Variants in EPHA6 observed in about 807,000 individuals in gnomAD.
EPHA6 encodes EPH receptor A6.
EPHA6 carries 50 observed loss-of-function variants against 112.0 expected under a neutral mutation model. The observed-to-expected ratio is 0.45, with a 90% CI of 0.36 to 0.56. EPHA6 has a LOEUF of 0.56. EPHA6 is among the 20% of genes least tolerant of loss of function. The pLI is 0.00. For missense variants in EPHA6, 1,280 were observed against 1,417.4 expected (o/e 0.90, Z 1.56); for synonymous variants, 529 against 490.7 (o/e 1.08, Z -1.03).
chr3:97,297,165 G>A (rs1032692136), intron 5 of EPHA6, among the ~76,000 whole-genome samples: 2 of 152,122 alleles, frequency 1.3e-5, no homozygotes, highest in Non-Finnish European at 2.9e-5. Flanking sequence ...AGTGGAATGT[G>A]GACTTCTGGG....
chr3:97,726,895 TA>T (rs1361973223), intron 15 of EPHA6, among the ~76,000 whole-genome samples: 1 of 151,906 alleles, frequency 6.6e-6, no homozygotes. Flanking sequence ...AGCTCATATG[TA>T]GGGAAAAAAG....
intron 14 of EPHA6, among the ~76,000 whole-genome samples, chr3:97,643,599 C>G (rs992104045): frequency 6.7e-6 from 1 of 149,750 alleles, no homozygotes; most frequent in Non-Finnish European, 1.5e-5. Flanking sequence ...GGAGGAAGAT[C>G]TACCAAGCAA....
At chr3:97,315,443 C>T (rs1390601757) in intron 5 of EPHA6, among the ~76,000 whole-genome samples, 6 of 151,582 alleles carry the variant, frequency 4.0e-5, no homozygotes, top group Non-Finnish European at 7.4e-5. Context: ...AATATCTTCA[C>T]GGATCTCAGA....
chr3:96,916,100 A>G (rs955730972), intron 2 of EPHA6, among the ~76,000 whole-genome samples: 7 of 152,162 alleles, frequency 4.6e-5, no homozygotes, highest in African/African-American at 1.4e-4. Flanking sequence ...TTTAAGTCCT[A>G]AATAAAGAGA....
chr3:97,197,161 A>C (rs2077462732), intron 3 of EPHA6, among the ~76,000 whole-genome samples: 1 of 151,966 alleles, frequency 6.6e-6, no homozygotes, highest in Non-Finnish European at 1.5e-5. Flanking sequence ...AGTGTTCTAC[A>C]CCACTGTGAC....
chr3:97,212,300 G>A (rs2077898728), intron 3 of EPHA6, among the ~76,000 whole-genome samples: 1 of 152,084 alleles, frequency 6.6e-6, no homozygotes, highest in Admixed American at 6.6e-5. Context: ...AAGTATGGTT[G>A]ACTAAAACAT....
chr3:97,726,404 A>C (rs947466066), intron 15 of EPHA6, among the ~76,000 whole-genome samples: 11 of 152,142 alleles, frequency 7.2e-5, no homozygotes, highest in Non-Finnish European at 1.5e-4. Flanking sequence ...CTATTCGCAA[A>C]ATAATGTGGA....
chr3:97,496,786 A>G (rs561563873), intron 10 of EPHA6, among the ~76,000 whole-genome samples: 1 of 151,946 alleles, frequency 6.6e-6, no homozygotes, highest in African/African-American at 2.4e-5. Flanking sequence ...GTGAATTACC[A>G]TTACCTAAGT....
chr3:97,314,919 T>C (rs1432986072), intron 5 of EPHA6, among the ~76,000 whole-genome samples: 1 of 151,590 alleles, frequency 6.6e-6, no homozygotes, highest in Non-Finnish European at 1.5e-5. Flanking sequence ...TAGCAAGAGG[T>C]GTTTCATTGG....
At chr3:97,684,103 A>G (rs556292516) in intron 14 of EPHA6, among the ~76,000 whole-genome samples, 2 of 152,292 alleles carry the variant, frequency 1.3e-5, no homozygotes, top group African/African-American at 4.8e-5. Flanking sequence ...TGTTATATAC[A>G]TGTCTACCTC....
Position 97,239,998 on chromosome 3 carries a change from G to A in EPHA6, c.1271-3954G>A, listed in dbSNP as rs569617486. ...ACTGCATAACCTTAATGTAATTATT[G>A]TCCTTTTCTGAACCTCGTTTCTTCA... On this transcript the variant is annotated intron_variant, in intron 4 of 17. Transcript: ENST00000389672. 2.6e-4 allele frequency among the ~76,000 whole-genome samples: 39 copies of A among 151,858 alleles called. 1 individual carries two copies. In the South Asian group the frequency reaches 7.7e-3, roughly 30 times the overall value.
At chr3:96,888,250 A>G (rs1314974091) in intron 2 of EPHA6, among the ~76,000 whole-genome samples, 1 of 152,116 alleles carries the variant, frequency 6.6e-6, no homozygotes, top group African/African-American at 2.4e-5. Context: ...GCGAGCTCAC[A>G]GGGCCTTTCT....
chr3:97,574,827 C>A (rs924806237), intron 11 of EPHA6, among the ~76,000 whole-genome samples: 8 of 151,832 alleles, frequency 5.3e-5, no homozygotes, highest in African/African-American at 1.5e-4. Context: ...CAAAATTAAA[C>A]GAAGTTTTGG....
intron 12 of EPHA6, among the ~76,000 whole-genome samples, chr3:97,603,105 T>G (rs2093655258): frequency 1.3e-5 from 2 of 152,044 alleles, no homozygotes; most frequent in Non-Finnish European, 2.9e-5. Context: ...ACTCATTTGT[T>G]ATTAAAATTT....
chr3:97,588,366 T>A (rs1459184910), intron 11 of EPHA6, among the ~76,000 whole-genome samples: 1 of 152,214 alleles, frequency 6.6e-6, no homozygotes, highest in African/African-American at 2.4e-5. Flanking sequence ...AAATTTTCTG[T>A]CTTTTATTAA....
At chr3:97,206,515 A>G (rs548542752) in intron 3 of EPHA6, among the ~76,000 whole-genome samples, 4 of 151,806 alleles carry the variant, frequency 2.6e-5, no homozygotes, top group African/African-American at 9.7e-5. Context: ...CCATGCTTAC[A>G]TCTATTTGCT....
At chr3:96,919,843 A>G (rs553247434) in intron 2 of EPHA6, among the ~76,000 whole-genome samples, 4 of 151,880 alleles carry the variant, frequency 2.6e-5, no homozygotes, top group Non-Finnish European at 5.9e-5. Flanking sequence ...ACAGGAGGAG[A>G]AAAGGAGTGC....
chr3:97,110,464 GT>G (rs1201826206), intron 3 of EPHA6, among the ~76,000 whole-genome samples: 1 of 151,906 alleles, frequency 6.6e-6, no homozygotes, highest in African/African-American at 2.4e-5. Flanking sequence ...TTTTGTTATT[GT>G]TTTAATTTAG....
intron 3 of EPHA6, among the ~76,000 whole-genome samples, chr3:97,210,591 C>T (rs1427813664): frequency 2.0e-5 from 3 of 152,118 alleles, no homozygotes; most frequent in East Asian, 1.9e-4. Context: ...GCAAAATAAG[C>T]ATGGTGTTCC....
Sources: allele counts gnomAD v4.1 joint callset (sites outside exome capture counted in the v4.1 genomes callset), GRCh38; gene constraint gnomAD v4.1.1; transcripts MANE v1.5; gene names NCBI Gene and HGNC (gene_info 2026-07-23, HGNC 2026-07-21).